ARFGEF3: variants seen among roughly 807,000 people sequenced by gnomAD.
ARFGEF3 encodes the protein brefeldin A-inhibited guanine nucleotide-exchange protein 3.
ARFGEF3 carries 96 observed loss-of-function variants against 221.7 expected under a neutral mutation model. That is an observed-to-expected ratio of 0.43 (90% CI 0.37 to 0.51). ARFGEF3 has a LOEUF of 0.51. Among genes scored for constraint, ARFGEF3 ranks in the 20% least tolerant of loss-of-function variants. The pLI is 0.00. For synonymous variants in ARFGEF3, 1,145 were observed against 1,126.8 expected (o/e 1.02, Z -0.32); for missense variants, 2,410 against 2,789.9 (o/e 0.86, Z 3.07).
intron 26 of ARFGEF3, among the ~76,000 whole-genome samples, chr6:138,314,952 C>T (rs1341923752): frequency 6.6e-6 from 1 of 152,214 alleles, no homozygotes; most frequent in Non-Finnish European, 1.5e-5. Context: ...TATACCCATC[C>T]TTTTAAAATG....
chr6:138,279,893 T>G, intron 13 of ARFGEF3, 106 bp from the exon 14 acceptor site: 8 of 1,081,782 alleles, frequency 7.4e-6, no homozygotes, highest in South Asian at 1.4e-5. Context: ...ACACAAGCCT[T>G]GGTTTAGTTC....
intron 19 of ARFGEF3, among the ~76,000 whole-genome samples, chr6:138,292,539 TCAC>T (rs1339228264): frequency 6.6e-6 from 1 of 152,204 alleles, no homozygotes; most frequent in Middle Eastern, 3.2e-3. Context: ...AGAGGGAAAA[TCAC>T]CAATCGCCTC....
rs1457411505 is a variant in ARFGEF3, at chr6:138,279,989, C to G, written c.2296-10C>G. On this transcript the variant is annotated splice_polypyrimidine_tract_variant and intron_variant, in intron 13 of 33. Transcript: ENST00000251691. ...TTATGTGGTCACCTTCTCATGCGAT[C>G]TCTCTGTAGAAGGACTTCATGAAGC... The G allele has an allele frequency of 1.3e-5, 21 of 1,613,458 alleles. No individual in the cohort carries two copies. The highest frequency in any genetic ancestry group is 1.6e-5 in the Non-Finnish European group (19 of 1,179,648).
At chr6:138,236,847 T>C (rs565004320) in intron 5 of ARFGEF3, among the ~76,000 whole-genome samples, 2 of 152,208 alleles carry the variant, frequency 1.3e-5, no homozygotes, top group Non-Finnish European at 2.9e-5. Flanking sequence ...TTTGAGAAAA[T>C]GAATTAAAAG....
In ARFGEF3 at chr6:138,340,673, G is replaced by C. The variant is rs758874498; in HGVS notation, c.*4187G>C. The C allele has an allele frequency of 6.6e-6, 1 of 152,118 alleles. No homozygotes were observed. Among genetic ancestry groups the C allele is most frequent in the Non-Finnish European group, 1.5e-5 (1 of 68,020 alleles). 9.4% of individuals were successfully genotyped at this position (152,118 alleles called of 1,614,324 possible). On this transcript the variant is annotated 3_prime_UTR_variant, in exon 34 of 34. Transcript: ENST00000251691. Reference sequence around the variant, plus strand: ...GTGTTGTGTTCCTCATTTTTTCAGAGGGGAACACAGACCCAGAGAGGTTAA... The same window carrying C: ...GTGTTGTGTTCCTCATTTTTTCAGACGGGAACACAGACCCAGAGAGGTTAA...
Position 138,291,871 on chromosome 6 carries a change from C to T in ARFGEF3, c.3186C>T (p.Pro1062=), listed in dbSNP as rs1270862119. The change falls in exon 19 of 34, where the codon CCC becomes CCT. Residue 1062 remains proline, a synonymous_variant. Transcript: ENST00000251691. This position sits in a 1 kb window ranked among gnomAD's most constrained non-coding sequence, Gnocchi z 4.5. ...LLGDPECEGS[P]PEHSPEQGRS... ...GGGACCCCGAGTGTGAGGGCTCGCC[C>T]CCCGAGCACAGCCCGGAGCAGGGGC... 6.7e-7 allele frequency: 1 copy of T among 1,497,992 alleles called. No homozygotes were observed. The highest frequency in any genetic ancestry group is 8.9e-7 in the Non-Finnish European group (1 of 1,119,234). 92.8% of individuals were successfully genotyped at this position (1,497,992 alleles called of 1,614,324 possible).
chr6:138,173,754 C>T (rs1006065509), intron 2 of ARFGEF3, among the ~76,000 whole-genome samples: 21 of 152,292 alleles, frequency 1.4e-4, no homozygotes, highest in Admixed American at 1.4e-3. Context: ...GAGCCAGCTA[C>T]CTATCTTGTG....
At chr6:138,188,620 C>T (rs1413930828) in intron 2 of ARFGEF3, among the ~76,000 whole-genome samples, 1 of 152,228 alleles carries the variant, frequency 6.6e-6, no homozygotes, top group African/African-American at 2.4e-5. Flanking sequence ...CAGCTGCCTT[C>T]GGGGTGACTA....
At chr6:138,183,590 G>T (rs898143472) in intron 2 of ARFGEF3, among the ~76,000 whole-genome samples, 1 of 152,052 alleles carries the variant, frequency 6.6e-6, no homozygotes, top group Admixed American at 6.5e-5. Context: ...GGTGGCCTGG[G>T]TTTGGAGTCA....
At chr6:138,331,990 T>C (rs1367544171) in intron 32 of ARFGEF3, among the ~76,000 whole-genome samples, 1 of 152,056 alleles carries the variant, frequency 6.6e-6, no homozygotes, top group African/African-American at 2.4e-5. Context: ...GCTGTATCTC[T>C]CAAAGCATCC....
chr6:138,172,755 A>G (rs1256062124), intron 2 of ARFGEF3, among the ~76,000 whole-genome samples: 1 of 152,220 alleles, frequency 6.6e-6, no homozygotes, highest in Non-Finnish European at 1.5e-5. Flanking sequence ...ATAGCAACAG[A>G]AAATACTTCT....
chr6:138,217,808 T>C (rs1777899542), intron 4 of ARFGEF3: 4 of 863,272 alleles, frequency 4.6e-6, no homozygotes. Context: ...TTGAGAAAGA[T>C]CAACATGGGT....
intron 22 of ARFGEF3, 27 bp downstream of exon 22, chr6:138,298,812 A>G (rs755948285): frequency 1.3e-6 from 2 of 1,586,836 alleles, no homozygotes; most frequent in Non-Finnish European, 8.6e-7. Context: ...CATCAGCGTC[A>G]TAGCTGGCTC....
chr6:138,314,056 C>A, intron 26 of ARFGEF3, 117 bp downstream of exon 26: 1 of 1,073,380 alleles, frequency 9.3e-7, no homozygotes. Context: ...TTTTGTGCTG[C>A]TATAAGAGAA....
intron 22 of ARFGEF3, among the ~76,000 whole-genome samples, chr6:138,301,014 T>C (rs1484245743): frequency 2.0e-5 from 3 of 152,148 alleles, no homozygotes; most frequent in Non-Finnish European, 4.4e-5. Context: ...TAACATGTCA[T>C]TGAAAACAAA....
chr6:138,296,907 G>C lies in ARFGEF3; in HGVS notation c.3600G>C (p.Leu1200=), dbSNP rs1255738780. ...TTGTGCGGAGCAAAGCACGGCCCCTGCTCCACGTGATGCGCTGCTGGAGCC... is the reference window on the plus strand; with the variant it reads ...TTGTGCGGAGCAAAGCACGGCCCCTCCTCCACGTGATGCGCTGCTGGAGCC... ...LRIVRSKARP[L]LHVMRCWSLV... Residue 1200 remains leucine, a synonymous_variant, in exon 21 of 34, where the codon CTG becomes CTC. Transcript: ENST00000251691. 2 of 1,613,860 alleles carry C rather than the reference G, an allele frequency of 1.2e-6. No individual in the cohort carries two copies. The highest frequency in any genetic ancestry group is 2.7e-5 in the African/African-American group (2 of 74,930).
At chr6:138,212,309 CTTGAGCCCAGAAGT>C (rs1214378261) in intron 4 of ARFGEF3, among the ~76,000 whole-genome samples, 1 of 152,208 alleles carries the variant, frequency 6.6e-6, no homozygotes, top group Non-Finnish European at 1.5e-5. Context: ...AGGGGGATGG[CTTGAGCCCAGAAGT>C]TTGAGACCAG....
chr6:138,286,912 T>C lies in ARFGEF3; in HGVS notation c.2781T>C (p.Ala927=). The C allele has an allele frequency of 6.2e-7, 1 of 1,612,894 alleles. No individual in the cohort carries two copies. Among genetic ancestry groups the C allele is most frequent in the Non-Finnish European group, 8.5e-7 (1 of 1,179,852 alleles). ...GGAAAGCCGCACGGCTGAGCTGCGC[T>C]CTAGGTACCAGCGGGAGTAGTGTTC... ...GLRKAARLSC[A]LGVAANCASA... The change falls in exon 16 of 34, where the codon GCT becomes GCC. Residue 927 remains alanine (A), a synonymous_variant. Transcript: ENST00000251691.
chr6:138,196,920 G>A (rs1055754419), intron 2 of ARFGEF3, among the ~76,000 whole-genome samples: 30 of 150,588 alleles, frequency 2.0e-4, no homozygotes, highest in Non-Finnish European at 3.4e-4. Context: ...CGCAACCTCC[G>A]CCTCCCGGGT....
Sources: allele counts gnomAD v4.1 joint callset (sites outside exome capture counted in the v4.1 genomes callset), GRCh38; gene constraint gnomAD v4.1.1; non-coding constraint Gnocchi (gnomAD v3.1); transcripts MANE v1.5; gene names NCBI Gene and HGNC (gene_info 2026-07-23, HGNC 2026-07-21).